The following PTPRT variants were observed in gnomAD, a reference collection of about 807,000 sequenced individuals.
PTPRT encodes protein tyrosine phosphatase receptor type T.
Under a neutral mutation model 176.8 loss-of-function variants are expected in PTPRT, and 56 were observed. That is an observed-to-expected ratio of 0.32 (90% CI 0.26 to 0.40). PTPRT has a LOEUF of 0.40. Among genes scored for constraint, PTPRT ranks in the 10% least tolerant of loss-of-function variants. The probability of loss-of-function intolerance (pLI) is 1.00; values close to 1 mark genes in which losing one functional copy is unlikely to be tolerated. For missense variants in PTPRT, 1,540 were observed against 1,908.2 expected (o/e 0.81, Z 3.60); for synonymous variants, 783 against 739.0 (o/e 1.06, Z -0.96).
At chr20:42,915,459 G>A (rs937684834) in intron 1 of PTPRT, among the ~76,000 whole-genome samples, 2 of 152,188 alleles carry the variant, frequency 1.3e-5, no homozygotes, top group Admixed American at 6.5e-5. Context: ...GCACAGCCAC[G>A]TAATCTACGT....
chr20:43,061,025 T>C (rs1987434478), intron 1 of PTPRT, among the ~76,000 whole-genome samples: 1 of 152,158 alleles, frequency 6.6e-6, no homozygotes, highest in Non-Finnish European at 1.5e-5. Context: ...GATATCTAGA[T>C]AGCCAGATCT....
intron 9 of PTPRT, among the ~76,000 whole-genome samples, chr20:42,377,536 T>C (rs1001353004): frequency 6.6e-6 from 1 of 152,238 alleles, no homozygotes; most frequent in Non-Finnish European, 1.5e-5. Flanking sequence ...TCCCAGGAGA[T>C]TCTGATGCTG....
intron 7 of PTPRT, among the ~76,000 whole-genome samples, chr20:42,556,030 A>C (rs1239446187): frequency 6.6e-6 from 1 of 152,204 alleles, no homozygotes; most frequent in Non-Finnish European, 1.5e-5. Flanking sequence ...TAAGATGATA[A>C]AACTGAGGCC....
chr20:42,459,322 C>A (rs766880376), intron 8 of PTPRT, among the ~76,000 whole-genome samples: 8 of 152,196 alleles, frequency 5.3e-5, no homozygotes, highest in Non-Finnish European at 8.8e-5. Context: ...ATGTGAGCTA[C>A]CGTGAAACTT....
At chr20:42,139,506 C>T (rs1600576427) in intron 18 of PTPRT, among the ~76,000 whole-genome samples, 1 of 152,212 alleles carries the variant, frequency 6.6e-6, no homozygotes, top group Non-Finnish European at 1.5e-5. Flanking sequence ...GCTGTATTCT[C>T]ATCCCTGTGG....
intron 7 of PTPRT, among the ~76,000 whole-genome samples, chr20:42,553,099 A>T (rs1393101016): frequency 6.6e-6 from 1 of 152,152 alleles, no homozygotes; most frequent in Non-Finnish European, 1.5e-5. Context: ...TACCTGAAAG[A>T]ATCATGTGAA....
chr20:42,755,074 C>T (rs1298276867), intron 6 of PTPRT, among the ~76,000 whole-genome samples: 1 of 152,006 alleles, frequency 6.6e-6, no homozygotes, highest in Non-Finnish European at 1.5e-5. Flanking sequence ...AAGAGGAGAC[C>T]AGGTAATGAG....
rs538949380 is a variant in PTPRT at position 42,437,550 on chromosome 20, G to GGTAT, written c.1560+10666_1560+10669dup. On this transcript the variant is annotated intron_variant, in intron 9 of 30. Transcript: ENST00000373187. ...CCATCTTGAAGGACCCTGGAGACAT[G>GGTAT]GTATGTATGTATGTATGTACGTATG... 9.6e-3 allele frequency among the ~76,000 whole-genome samples: 1,465 copies of GGTAT among 152,186 alleles called. 29 individuals carry two copies. The highest frequency in any genetic ancestry group is 0.034 in the African/African-American group (1,402 of 41,512).
chr20:42,133,362 C>A (rs1201748251), intron 18 of PTPRT, among the ~76,000 whole-genome samples: 1 of 152,110 alleles, frequency 6.6e-6, no homozygotes, highest in Non-Finnish European at 1.5e-5. Context: ...CAGTGAGAAG[C>A]AGAAATGAGT....
intron 9 of PTPRT, among the ~76,000 whole-genome samples, chr20:42,425,993 T>A (rs1221240926): frequency 1.3e-5 from 2 of 151,834 alleles, no homozygotes; most frequent in African/African-American, 4.8e-5. Flanking sequence ...GCTAAAGAGG[T>A]CATGAGGAGT....
chr20:42,502,333 C>T (rs1456683168), intron 7 of PTPRT, among the ~76,000 whole-genome samples: 1 of 151,698 alleles, frequency 6.6e-6, no homozygotes, highest in Non-Finnish European at 1.5e-5. Flanking sequence ...TTGTGCCCCT[C>T]CCTACAGTAT....
intron 7 of PTPRT, among the ~76,000 whole-genome samples, chr20:42,522,990 C>T (rs2072204032): frequency 6.6e-6 from 1 of 152,152 alleles, no homozygotes; most frequent in South Asian, 2.1e-4. Flanking sequence ...CTCTGTGCTA[C>T]TCAATTTAGA....
At position 42,313,785 on chromosome 20, in the gene PTPRT, A is replaced by G. The variant is rs539182888; in HGVS notation, c.2139+1938T>C. 5.3e-5 allele frequency among the ~76,000 whole-genome samples: 8 copies of G among 152,272 alleles called. No individual in the cohort carries two copies. The South Asian group carries it at 1.7e-3, about 32-fold the overall frequency. The stretch of plus-strand genomic sequence containing the variant: ...CTCAATACATCAGAGTGCTTCATGC[A>G]GCGGGAAGACCAGATGGACAGGTGG... On this transcript the variant is annotated intron_variant, in intron 12 of 30. Transcript: ENST00000373187.
intron 9 of PTPRT, among the ~76,000 whole-genome samples, chr20:42,407,298 C>G (rs1247027538): frequency 6.6e-6 from 1 of 152,072 alleles, no homozygotes; most frequent in Non-Finnish European, 1.5e-5. Context: ...CAGTTTGAAC[C>G]CTTGTATCAA....
chr20:43,016,552 C>CTTTTTTTTTTTTTTTTT lies in PTPRT; in HGVS notation c.89-130637_89-130621dup, dbSNP rs11482189. On this transcript the variant is annotated intron_variant, in intron 1 of 30. Transcript: ENST00000373187. ...CATTTCTCTAACTGCTCTAAGGCCA[C>CTTTTTTTTTTTTTTTTT]TTTTTTTTTTTTTTTTTTTTTTTTT... is the stretch of plus-strand genomic sequence containing the variant. Among the ~76,000 whole-genome samples the CTTTTTTTTTTTTTTTTT allele has an allele frequency of 6.7e-4, 51 of 76,238 alleles. 8 individuals are homozygous for CTTTTTTTTTTTTTTTTT. Among genetic ancestry groups the CTTTTTTTTTTTTTTTTT allele is most frequent in the African/African-American group, 3.4e-3 (49 of 14,286 alleles). The allele number at this position is 76,238 out of a possible 152,430, so 50.0% of individuals were successfully genotyped here.
At chr20:43,111,578 AC>A (rs1326838290) in intron 1 of PTPRT, among the ~76,000 whole-genome samples, 15 of 150,278 alleles carry the variant, frequency 1.0e-4, no homozygotes, top group Non-Finnish European at 2.2e-4. Context: ...AAGAATGGTT[AC>A]ATAATGGGAC....
intron 6 of PTPRT, among the ~76,000 whole-genome samples, chr20:42,704,954 C>T (rs1047221771): frequency 2.0e-5 from 3 of 152,008 alleles, no homozygotes; most frequent in Admixed American, 6.5e-5. Context: ...ACCTGTAATC[C>T]CAGCACTTTG....
intron 7 of PTPRT, among the ~76,000 whole-genome samples, chr20:42,646,414 T>C (rs998827707): frequency 1.3e-5 from 2 of 152,020 alleles, no homozygotes; most frequent in Non-Finnish European, 2.9e-5. Context: ...ACAACAGAAG[T>C]TGAGTTATTG....
chr20:42,239,523 C>T (rs561412976), intron 14 of PTPRT, among the ~76,000 whole-genome samples: 4 of 150,456 alleles, frequency 2.7e-5, no homozygotes, highest in South Asian at 2.1e-4. Context: ...CCCGGGTCCA[C>T]GCCATTCTCC....
Sources: allele counts gnomAD v4.1 joint callset (sites outside exome capture counted in the v4.1 genomes callset), GRCh38; gene constraint gnomAD v4.1.1; transcripts MANE v1.5; gene names NCBI Gene and HGNC (gene_info 2026-07-23, HGNC 2026-07-21).